The following YEATS2 variants were observed in gnomAD, a reference collection of about 807,000 sequenced individuals.
YEATS2 encodes the protein YEATS domain containing 2, also known as YEATS domain-containing protein 2.
YEATS2 carries 77 observed loss-of-function variants against 163.2 expected under a neutral mutation model. The observed-to-expected ratio is 0.47, with a 90% confidence interval of 0.39 to 0.57. YEATS2 has a LOEUF of 0.57. Among genes scored for constraint, YEATS2 ranks in the 20% least tolerant of loss-of-function variants. The probability of loss-of-function intolerance (pLI) is 0.00; values close to 1 mark genes in which losing one functional copy is unlikely to be tolerated. For missense variants in YEATS2, 1,549 were observed against 1,729.8 expected (o/e 0.90, Z 1.85); for synonymous variants, 631 against 645.1 (o/e 0.98, Z 0.33).
intron 8 of YEATS2, among the ~76,000 whole-genome samples, chr3:183,740,112 C>G (rs1290925060): frequency 7.1e-6 from 1 of 140,752 alleles, no homozygotes; most frequent in African/African-American, 2.7e-5. Flanking sequence ...CAAATGGGAT[C>G]TAATTAAACT....
At position 183,775,923 on chromosome 3, in the gene YEATS2, T is replaced by G; in HGVS notation, c.2377T>G (p.Ser793Ala). Residue 793 changes from serine to alanine, a missense_variant, in exon 18 of 31, where the codon TCT (serine) becomes GCT (alanine). Physicochemically the swap from Ser to Ala is moderately conservative, Grantham distance 99. Transcript: ENST00000305135. Reference sequence around the variant, plus strand: ...ATTCATTGTATTTTTAGATCTCCAGTCTGGCTCAGCTGCCAGTGGTGGGAG... The same window carrying G: ...ATTCATTGTATTTTTAGATCTCCAGGCTGGCTCAGCTGCCAGTGGTGGGAG... Reference protein sequence around the residue: ...LRATNNANLQSGSAASGGSGA... With the variant: ...LRATNNANLQAGSAASGGSGA... 1.2e-6 allele frequency: 2 copies of G among 1,612,348 alleles called. No homozygotes were observed. The highest frequency in any genetic ancestry group is 1.1e-5 in the South Asian group (1 of 91,012).
intron 5 of YEATS2, among the ~76,000 whole-genome samples, chr3:183,723,413 A>G (rs560614494): frequency 6.6e-6 from 1 of 152,340 alleles, no homozygotes; most frequent in East Asian, 1.9e-4. Flanking sequence ...TGATAAAAAT[A>G]TGTTTGTATT....
In YEATS2 at chr3:183,800,437, G is replaced by A. The variant is rs374364833; in HGVS notation, c.3326-29G>A. On this transcript the variant is annotated intron_variant, in intron 23 of 30. Transcript: ENST00000305135. ...GTCCTTCCACCACTGACCCCTAACA[G>A]CTGCCTCTTTGTTGCTCTTCCCTTG... 32 of 1,570,454 alleles carry A rather than the reference G, an allele frequency of 2.0e-5. 1 individual carries two copies. In the Middle Eastern group the frequency reaches 5.0e-4, roughly 25 times the overall value.
intron 7 of YEATS2, among the ~76,000 whole-genome samples, chr3:183,733,131 C>T (rs1471987417): frequency 1.3e-5 from 2 of 152,230 alleles, no homozygotes; most frequent in African/African-American, 4.8e-5. Flanking sequence ...TACCCAGCCT[C>T]ATTTCATGTT....
chr3:183,701,384 C>T (rs1665491418), intron 1 of YEATS2, among the ~76,000 whole-genome samples: 2 of 146,998 alleles, frequency 1.4e-5, no homozygotes, highest in African/African-American at 2.5e-5. Context: ...CGCGCCCGGC[C>T]GGTCAATATA....
chr3:183,720,310 G>A lies in YEATS2; in HGVS notation c.292-1581G>A, dbSNP rs145751093. 2.1e-3 allele frequency among the ~76,000 whole-genome samples: 315 copies of A among 152,248 alleles called. 2 individuals carry two copies. The highest frequency in any genetic ancestry group is 0.02 in the Middle Eastern group (6 of 294). ...TGTCTAAATTCAGGCATAGGGGTTA[G>A]GATTGACCTGAAATAGGAGTATTTC... On this transcript the variant is annotated intron_variant, in intron 4 of 30. Transcript: ENST00000305135.
intron 17 of YEATS2, 144 bp downstream of exon 17, chr3:183,773,938 G>A: frequency 1.1e-6 from 1 of 938,432 alleles, no homozygotes; most frequent in East Asian, 3.1e-5. Context: ...TTGCTCAGAT[G>A]GATTTAACAC....
chr3:183,764,113 C>T (rs150356585), intron 15 of YEATS2, among the ~76,000 whole-genome samples: 2,121 of 151,734 alleles, frequency 0.014, 50 homozygotes, highest in African/African-American at 0.048. Flanking sequence ...GGCTCACGCC[C>T]GTAATCCCAG....
intron 1 of YEATS2, among the ~76,000 whole-genome samples, chr3:183,700,559 C>T (rs1414824092): frequency 1.3e-5 from 2 of 150,326 alleles, no homozygotes; most frequent in Admixed American, 6.6e-5. Context: ...GAAAACAAGA[C>T]TTGTGAAGCA....
At chr3:183,778,733 G>A (rs771004542) in intron 19 of YEATS2, among the ~76,000 whole-genome samples, 3 of 152,174 alleles carry the variant, frequency 2.0e-5, no homozygotes, top group Non-Finnish European at 4.4e-5. Context: ...GATAATACTG[G>A]CCTCATAAAA....
chr3:183,722,807 C>T (rs1031321271), intron 5 of YEATS2, among the ~76,000 whole-genome samples: 1 of 152,160 alleles, frequency 6.6e-6, no homozygotes, highest in Admixed American at 6.5e-5. Flanking sequence ...CATGTGCTAC[C>T]ACGCCTGGCT....
intron 26 of YEATS2, 81 bp downstream of exon 26, chr3:183,803,416 G>C (rs1725882239): frequency 1.5e-6 from 2 of 1,307,944 alleles, no homozygotes; most frequent in African/African-American, 1.5e-5. Context: ...CAGCATATTT[G>C]GTTGAAATAT....
Position 183,774,631 on chromosome 3 carries a change from T to C in YEATS2, c.2368+837T>C, listed in dbSNP as rs181144660. Among the ~76,000 whole-genome samples the C allele has an allele frequency of 2.3e-3, 354 of 152,352 alleles. 2 individuals carry two copies. Among genetic ancestry groups the C allele is most frequent in the South Asian group, 0.018 (86 of 4,832 alleles). On this transcript the variant is annotated intron_variant, in intron 17 of 30. Transcript: ENST00000305135. ...TATCTGCAGTTAAAGAAACTTTTGC[T>C]TTGACATATAGAGAAAAACCGTTTG...
At chr3:183,788,121 T>C (rs1019225705) in intron 20 of YEATS2, among the ~76,000 whole-genome samples, 2 of 152,180 alleles carry the variant, frequency 1.3e-5, no homozygotes, top group Admixed American at 6.6e-5. Flanking sequence ...GTAATTGGGG[T>C]ATCTGTCACC....
chr3:183,757,183 A>G (rs1341530120), intron 12 of YEATS2, among the ~76,000 whole-genome samples: 1 of 152,178 alleles, frequency 6.6e-6, no homozygotes, highest in African/African-American at 2.4e-5. Flanking sequence ...CCTTGGGTTC[A>G]CCGTGTTCCT....
intron 27 of YEATS2, among the ~76,000 whole-genome samples, chr3:183,805,932 C>T (rs569393445): frequency 5.9e-5 from 9 of 152,178 alleles, no homozygotes; most frequent in African/African-American, 2.2e-4. Context: ...GTAAGCTACT[C>T]GGAGAGCAGA....
intron 29 of YEATS2, 133 bp from the exon 30 acceptor site, chr3:183,808,963 AT>A (rs1726511298): frequency 1.3e-6 from 1 of 772,098 alleles, no homozygotes; most frequent in Non-Finnish European, 2.2e-6. Flanking sequence ...GAGGCCTTTA[AT>A]TTTTTCTTAA....
At chr3:183,738,391 C>CTTTTTT (rs1173865612) in intron 8 of YEATS2, among the ~76,000 whole-genome samples, 3 of 74,030 alleles carry the variant, frequency 4.1e-5, no homozygotes, top group African/African-American at 1.4e-4. Flanking sequence ...AGGAAAAGTT[C>CTTTTTT]TTTTTTTTTT....
intron 16 of YEATS2, among the ~76,000 whole-genome samples, chr3:183,772,772 C>CAG (rs1722604928): frequency 6.6e-6 from 1 of 151,344 alleles, no homozygotes; most frequent in Admixed American, 6.6e-5. Flanking sequence ...CACACACACA[C>CAG]ACACACCCAC....
Sources: allele counts gnomAD v4.1 joint callset (sites outside exome capture counted in the v4.1 genomes callset), GRCh38; gene constraint gnomAD v4.1.1; transcripts MANE v1.5; gene names NCBI Gene and HGNC (gene_info 2026-07-23, HGNC 2026-07-21).